Variants in WBP1L observed in about 807,000 individuals in gnomAD.
The protein encoded by WBP1L is WW domain binding protein 1-like.
Under a neutral mutation model 33.7 loss-of-function variants are expected in WBP1L, and 17 were observed. That is an observed-to-expected ratio of 0.50 (90% CI 0.34 to 0.76). WBP1L has a LOEUF of 0.76. Among genes scored for constraint, WBP1L ranks in the 30% least tolerant of loss-of-function variants. The probability of loss-of-function intolerance (pLI) is 0.01; values close to 1 mark genes in which losing one functional copy is unlikely to be tolerated. For synonymous variants in WBP1L, 173 were observed against 190.8 expected, an observed-to-expected ratio of 0.91 and a Z score of 0.77; for missense variants, 389 against 469.4, an observed-to-expected ratio of 0.83 and a Z score of 1.58.
At chr10:102,776,267 C>T in intron 1 of WBP1L, 6 of 1,601,484 alleles carry the variant, frequency 3.7e-6, no homozygotes, top group Non-Finnish European at 4.3e-6. Context: ...GTCTGCTTTG[C>T]TAAAGAAGGC....
chr10:102,755,610 C>G (rs1842965593), intron 1 of WBP1L, among the ~76,000 whole-genome samples: 1 of 151,772 alleles, frequency 6.6e-6, no homozygotes, highest in Admixed American at 6.6e-5. Flanking sequence ...CCAGGCTGGT[C>G]TTGAACTCCT....
intron 1 of WBP1L, among the ~76,000 whole-genome samples, chr10:102,745,474 C>T (rs933525397): frequency 1.3e-4 from 20 of 152,200 alleles, no homozygotes; most frequent in African/African-American, 4.3e-4. Context: ...CCTTTTCCCC[C>T]AGCCCCTGGC....
chr10:102,782,792 T>C (rs1291948934), intron 1 of WBP1L, among the ~76,000 whole-genome samples: 1 of 152,088 alleles, frequency 6.6e-6, no homozygotes, highest in Non-Finnish European at 1.5e-5. Context: ...AGACTTGGCT[T>C]TGGGAATGGC....
At chr10:102,788,204 C>G (rs1185408340) in intron 1 of WBP1L, among the ~76,000 whole-genome samples, 1 of 150,610 alleles carries the variant, frequency 6.6e-6, no homozygotes, top group Non-Finnish European at 1.5e-5. Context: ...TCTCGGCTCA[C>G]TGCAACCTCT....
Position 102,813,108 on chromosome 10 carries a change from T to A in WBP1L, c.869T>A (p.Phe290Tyr). ...RGHHDDDLKE[F>Y]NTLIDDALDG... ...CACCATGACGATGACCTCAAAGAGTTCAACACACTCATCGATGATGCTCTG... is the reference window on the plus strand; with the variant it reads ...CACCATGACGATGACCTCAAAGAGTACAACACACTCATCGATGATGCTCTG... Residue 290 changes from phenylalanine (F) to tyrosine (Y), a missense_variant, in exon 4 of 4, where the codon TTC becomes TAC. Coordinates refer to ENST00000448841, the MANE Select transcript of WBP1L (RefSeq NM_001083913.2). 1 of 1,613,908 alleles carries A rather than the reference T, an allele frequency of 6.2e-7. No homozygotes were observed. The highest frequency in any genetic ancestry group is 8.5e-7 in the Non-Finnish European group (1 of 1,180,004).
At chr10:102,765,512 G>C (rs1313324946) in intron 1 of WBP1L, among the ~76,000 whole-genome samples, 1 of 152,100 alleles carries the variant, frequency 6.6e-6, no homozygotes, top group East Asian at 1.9e-4. Context: ...GGCATTACAG[G>C]CATGTGCCAC....
intron 1 of WBP1L, among the ~76,000 whole-genome samples, chr10:102,748,572 C>A (rs1014850277): frequency 1.5e-4 from 23 of 152,200 alleles, no homozygotes; most frequent in Non-Finnish European, 2.6e-4. Context: ...TGAGTTTCTG[C>A]AAACTCTTTC....
At chr10:102,779,636 G>A (rs957125658) in intron 1 of WBP1L, among the ~76,000 whole-genome samples, 1 of 152,174 alleles carries the variant, frequency 6.6e-6, no homozygotes, top group Non-Finnish European at 1.5e-5. Flanking sequence ...CTGGGCCAGG[G>A]CCCCAGAATA....
chr10:102,801,853 CTCTT>C (rs1439443140), intron 2 of WBP1L, among the ~76,000 whole-genome samples: 1 of 150,738 alleles, frequency 6.6e-6, no homozygotes, highest in Non-Finnish European at 1.5e-5. Context: ...CTTTCTCTCT[CTCTT>C]TCCTTTCCCT....
At chr10:102,749,169 A>C (rs912760967) in intron 1 of WBP1L, among the ~76,000 whole-genome samples, 1 of 152,268 alleles carries the variant, frequency 6.6e-6, no homozygotes, top group African/African-American at 2.4e-5. Context: ...CCACTTAGCC[A>C]GGTGGCTGCT....
chr10:102,761,357 C>T (rs1021999077), intron 1 of WBP1L, among the ~76,000 whole-genome samples: 1 of 151,578 alleles, frequency 6.6e-6, no homozygotes, highest in Non-Finnish European at 1.5e-5. Flanking sequence ...TCAGGCTGGT[C>T]TGGAACTCCT....
intron 1 of WBP1L, among the ~76,000 whole-genome samples, chr10:102,761,125 T>C (rs1470402616): frequency 2.3e-5 from 2 of 87,894 alleles, no homozygotes; most frequent in Non-Finnish European, 4.9e-5. Context: ...CAGGCTGTTT[T>C]TTTTTTTTTT....
intron 1 of WBP1L, among the ~76,000 whole-genome samples, chr10:102,774,704 C>T (rs1843234463): frequency 6.6e-6 from 1 of 151,992 alleles, no homozygotes; most frequent in South Asian, 2.1e-4. Context: ...TGGATCATGC[C>T]CAGCACAGTG....
chr10:102,745,650 G>A (rs1842856526), intron 1 of WBP1L, among the ~76,000 whole-genome samples: 1 of 152,166 alleles, frequency 6.6e-6, no homozygotes, highest in Non-Finnish European at 1.5e-5. Flanking sequence ...TCCTGTTCAT[G>A]ACCAAGTAAC....
chr10:102,796,231 G>T (rs1374771216), intron 1 of WBP1L, among the ~76,000 whole-genome samples: 3 of 152,186 alleles, frequency 2.0e-5, no homozygotes, highest in Non-Finnish European at 4.4e-5. Flanking sequence ...AAGGAACTCT[G>T]CGTGCAATGT....
intron 1 of WBP1L, among the ~76,000 whole-genome samples, chr10:102,766,205 G>T (rs1843105743): frequency 6.6e-6 from 1 of 152,034 alleles, no homozygotes; most frequent in Non-Finnish European, 1.5e-5. Flanking sequence ...ACTTTGGGAG[G>T]CCGAGGCAGG....
intron 1 of WBP1L, among the ~76,000 whole-genome samples, chr10:102,786,045 G>A (rs562878891): frequency 6.6e-6 from 1 of 152,268 alleles, no homozygotes; most frequent in African/African-American, 2.4e-5. Context: ...TTCTGAATTT[G>A]TTATTCAGGT....
At chr10:102,808,364 T>TA (rs572509456) in intron 2 of WBP1L, among the ~76,000 whole-genome samples, 4 of 150,920 alleles carry the variant, frequency 2.7e-5, no homozygotes, top group Non-Finnish European at 4.4e-5. Flanking sequence ...CCTCATTAAT[T>TA]AAAAAAAAAA....
rs1843803837 is a variant in WBP1L at position 102,809,889 on chromosome 10, C to T, written c.194-4C>T. ...CTCTCTGTCTTGCCTTGCCCACCCCCCAGGGTTCTGGCTGGTGTGGACCAT... is the reference window on the plus strand; with the variant it reads ...CTCTCTGTCTTGCCTTGCCCACCCCTCAGGGTTCTGGCTGGTGTGGACCAT... On this transcript the variant is annotated splice_region_variant and splice_polypyrimidine_tract_variant and intron_variant, in intron 2 of 3. Coordinates refer to ENST00000448841, the MANE Select transcript of WBP1L (RefSeq NM_001083913.2). 5 of 1,608,774 alleles carry T rather than the reference C, an allele frequency of 3.1e-6. No homozygotes were observed. Among genetic ancestry groups the T allele is most frequent in the Non-Finnish European group, 4.2e-6 (5 of 1,177,476 alleles).
Sources: allele counts gnomAD v4.1 joint callset (sites outside exome capture counted in the v4.1 genomes callset), GRCh38; gene constraint gnomAD v4.1.1; transcripts MANE v1.5; gene names NCBI Gene and HGNC (gene_info 2026-07-23, HGNC 2026-07-21).